STX7: variants seen among roughly 807,000 people sequenced by gnomAD.
The protein encoded by STX7 is syntaxin-7.
STX7 carries 34 observed loss-of-function variants against 39.6 expected under a neutral mutation model. The ratio of observed to expected loss-of-function variants is 0.86; its 90% confidence interval spans 0.65 to 1.14. STX7 has a LOEUF of 1.14. Ranked by LOEUF, STX7 falls within the 50% of genes most tolerant of loss-of-function variation. The pLI, the probability that STX7 is intolerant of heterozygous loss-of-function variation, is 0.00. For synonymous variants in STX7, 119 were observed against 99.1 expected, an observed-to-expected ratio of 1.20 and a Z score of -1.19; for missense variants, 284 against 310.4, an observed-to-expected ratio of 0.92 and a Z score of 0.64.
rs1774200482 is a variant in STX7, at chr6:132,454,290, G to A, written c.*6468C>T. Reference sequence around the variant, plus strand: ...TGCCAAGGGTTAAGAAGGGAGTAGGGATGGGAGTGAAGTGGGTATGGTCAT... The same window carrying A: ...TGCCAAGGGTTAAGAAGGGAGTAGGAATGGGAGTGAAGTGGGTATGGTCAT... On this transcript the variant is annotated 3_prime_UTR_variant, in exon 10 of 10. Transcript: ENST00000367941. The A allele has an allele frequency of 6.6e-6, 1 of 152,002 alleles. No homozygotes were observed. Among genetic ancestry groups the A allele is most frequent in the African/African-American group, 2.4e-5 (1 of 41,422 alleles). 9.4% of individuals were successfully genotyped at this position (152,002 alleles called of 1,614,324 possible).
chr6:132,471,687 A>C (rs1235321831), intron 4 of STX7, 87 bp from the exon 5 acceptor site: 8 of 1,488,502 alleles, frequency 5.4e-6, no homozygotes, highest in Non-Finnish European at 7.3e-6. Flanking sequence ...TTTAACCCTG[A>C]AGTTTTCACT....
chr6:132,470,425 T>G (rs944220095), intron 6 of STX7, 149 bp downstream of exon 6: 3 of 451,782 alleles, frequency 6.6e-6, no homozygotes, highest in African/African-American at 2.0e-5. Flanking sequence ...ACTTAAAATT[T>G]TTTTCAAATT....
At chr6:132,502,559 G>C (rs1416137310) in intron 2 of STX7, among the ~76,000 whole-genome samples, 1 of 152,160 alleles carries the variant, frequency 6.6e-6, no homozygotes, top group African/African-American at 2.4e-5. Flanking sequence ...CGAATGAAGT[G>C]CCACACTGCA....
chr6:132,484,854 A>G (rs1395156058), intron 2 of STX7, among the ~76,000 whole-genome samples: 1 of 152,174 alleles, frequency 6.6e-6, no homozygotes, highest in Non-Finnish European at 1.5e-5. Flanking sequence ...TAATTGCTTC[A>G]ACAGTGAGAA....
At chr6:132,473,082 A>G (rs1431534548) in intron 3 of STX7, among the ~76,000 whole-genome samples, 3 of 152,132 alleles carry the variant, frequency 2.0e-5, no homozygotes, top group African/African-American at 7.2e-5. Flanking sequence ...TCACTTGAAC[A>G]TGGGAGGTGG....
Position 132,455,544 on chromosome 6 carries a change from A to G in STX7, c.*5214T>C, listed in dbSNP as rs969188412. The stretch of plus-strand genomic sequence containing the variant: ...GAGGTGTTGTGCGTGTAACGACTGG[A>G]CAGGAAATCTGGTTTTGCCTTCCAC... On this transcript the variant is annotated 3_prime_UTR_variant, in exon 10 of 10. Coordinates refer to ENST00000367941, the MANE Select transcript of STX7 (RefSeq NM_003569.3). 8 of 152,202 alleles carry G rather than the reference A, an allele frequency of 5.3e-5. No homozygotes were observed. Among genetic ancestry groups the G allele is most frequent in the African/African-American group, 1.7e-4 (7 of 41,458 alleles). 9.4% of individuals were successfully genotyped at this position (152,202 alleles called of 1,614,324 possible).
At chr6:132,473,953 G>T (rs1562325945) in intron 3 of STX7, among the ~76,000 whole-genome samples, 1 of 151,980 alleles carries the variant, frequency 6.6e-6, no homozygotes, top group Non-Finnish European at 1.5e-5. Flanking sequence ...CCTTAGGCTG[G>T]ACATGGTGGC....
At chr6:132,470,422 A>AT (rs1191480150) in intron 6 of STX7, 152 bp downstream of exon 6, 2 of 446,566 alleles carry the variant, frequency 4.5e-6, no homozygotes, top group African/African-American at 4.1e-5. Flanking sequence ...ATTACTTAAA[A>AT]TTTTTTTCAA....
intron 8 of STX7, among the ~76,000 whole-genome samples, chr6:132,465,847 A>C (rs534203609): frequency 6.6e-6 from 1 of 152,344 alleles, no homozygotes; most frequent in South Asian, 2.1e-4. Flanking sequence ...GCACTTTATC[A>C]CATTTCCTAT....
rs1775622585 is a variant in STX7, at chr6:132,503,303, T to A, written c.85+143A>T. ...AAATATAATTCTCTTGCATTCATTC[T>A]AAAGAGTTCGAGCCCTTTAAAACCT... On this transcript the variant is annotated intron_variant, in intron 2 of 9. Transcript: ENST00000367941. 1.8e-5 allele frequency: 11 copies of A among 609,572 alleles called. No individual in the cohort carries two copies. The South Asian group carries it at 2.4e-4, about 13-fold the overall frequency. The allele number at this position is 609,572 out of a possible 1,614,324, so 37.8% of individuals were successfully genotyped here.
chr6:132,503,368 G>T (rs1775624056), intron 2 of STX7, 78 bp downstream of exon 2: 1 of 1,233,582 alleles, frequency 8.1e-7, no homozygotes, highest in South Asian at 1.2e-5. Context: ...AATCAGCAGA[G>T]TTGTCCTTTT....
At chr6:132,502,815 T>C (rs561789904) in intron 2 of STX7, among the ~76,000 whole-genome samples, 60 of 151,868 alleles carry the variant, frequency 4.0e-4, no homozygotes, top group Middle Eastern at 3.4e-3. Context: ...AGGAGAATGG[T>C]GTGAACCTGG....
rs1259337966 is a variant in STX7 at position 132,458,989 on chromosome 6, A to T, written c.*1769T>A. On this transcript the variant is annotated 3_prime_UTR_variant, in exon 10 of 10. Transcript: ENST00000367941. ...TGAGAATAAACATTTTATCAAGTAC[A>T]GCAAAAAAAACGGAACTGATTGTGA... is the stretch of plus-strand genomic sequence containing the variant. The T allele has an allele frequency of 6.6e-6, 1 of 152,208 alleles. No individual in the cohort carries two copies. Among genetic ancestry groups the T allele is most frequent in the Non-Finnish European group, 1.5e-5 (1 of 68,030 alleles). The allele number at this position is 152,208 out of a possible 1,614,324, so 9.4% of individuals were successfully genotyped here. A position where few individuals can be genotyped will look rare whatever the true frequency, so the allele number is the denominator to read the frequency against.
chr6:132,490,850 CTG>C (rs1294470216), intron 2 of STX7, among the ~76,000 whole-genome samples: 2 of 152,148 alleles, frequency 1.3e-5, no homozygotes, highest in African/African-American at 2.4e-5. Flanking sequence ...AAAGAGGTGT[CTG>C]TGCATCTTGG....
chr6:132,470,130 A>G (rs1392719190), intron 6 of STX7, 83 bp from the exon 7 acceptor site: 2 of 955,828 alleles, frequency 2.1e-6, no homozygotes, highest in Non-Finnish European at 2.9e-6. Context: ...AGATATATTC[A>G]TTAAATAGGA....
chr6:132,463,717 C>T (rs897314798), intron 9 of STX7, among the ~76,000 whole-genome samples: 7 of 152,148 alleles, frequency 4.6e-5, no homozygotes, highest in African/African-American at 1.4e-4. Context: ...CAGAGATCCC[C>T]GGCCATCAGA....
intron 2 of STX7, among the ~76,000 whole-genome samples, chr6:132,484,885 C>T (rs1453129279): frequency 6.6e-6 from 1 of 152,192 alleles, no homozygotes; most frequent in Admixed American, 6.5e-5. Context: ...TCTCAGCTGT[C>T]ATAAACTTTA....
At chr6:132,509,915 A>G (rs1196628272) in intron 1 of STX7, among the ~76,000 whole-genome samples, 3 of 152,226 alleles carry the variant, frequency 2.0e-5, no homozygotes, top group Non-Finnish European at 4.4e-5. Context: ...CAGAGCTGCT[A>G]CGCACTAAAG....
chr6:132,491,079 G>A, intron 2 of STX7, among the ~76,000 whole-genome samples: 1 of 150,864 alleles, frequency 6.6e-6, no homozygotes, highest in East Asian at 1.9e-4. Context: ...CCCTCCACAG[G>A]AATCTCCTGC....
Sources: gnomAD v4.1 joint callset for allele counts (sites outside exome capture counted in the v4.1 genomes callset) on GRCh38, gnomAD v4.1.1 for gene constraint, MANE v1.5 for transcripts, NCBI Gene and HGNC (gene_info 2026-07-23, HGNC 2026-07-21) for gene names.